Variants in JAZF1 observed in about 807,000 individuals in gnomAD.
JAZF1 encodes JAZF zinc finger 1.
In JAZF1, 8 loss-of-function variants were observed where a neutral mutation model predicts 26.4. That is an observed-to-expected ratio of 0.30 (90% confidence interval 0.18 to 0.55). The LOEUF is 0.55. Among genes scored for constraint, JAZF1 ranks in the 20% least tolerant of loss-of-function variants. The pLI, the probability that JAZF1 is intolerant of heterozygous loss-of-function variation, is 0.94. For missense variants in JAZF1, 199 were observed against 322.0 expected (o/e 0.62, Z 2.92); for synonymous variants, 126 against 122.3 (o/e 1.03, Z -0.20).
intron 1 of JAZF1, among the ~76,000 whole-genome samples, chr7:28,149,795 A>G (rs1783082452): frequency 6.6e-6 from 1 of 152,234 alleles, no homozygotes; most frequent in African/African-American, 2.4e-5. Flanking sequence ...TGATTAATTC[A>G]CTTAGCAGTC....
At chr7:28,173,321 C>A (rs1051750151) in intron 1 of JAZF1, among the ~76,000 whole-genome samples, 1 of 152,088 alleles carries the variant, frequency 6.6e-6, no homozygotes, top group Non-Finnish European at 1.5e-5. Flanking sequence ...AGGAAATACT[C>A]AAAAATGTGT....
At chr7:28,108,897 AT>A (rs2127931504) in intron 1 of JAZF1, among the ~76,000 whole-genome samples, 1 of 152,392 alleles carries the variant, frequency 6.6e-6, no homozygotes, top group South Asian at 2.1e-4. Flanking sequence ...GCCATTTGCA[AT>A]AACATGAATG....
chr7:27,854,671 T>C (rs1175729410), intron 3 of JAZF1, among the ~76,000 whole-genome samples: 1 of 152,224 alleles, frequency 6.6e-6, no homozygotes, highest in Non-Finnish European at 1.5e-5. Context: ...GAAAATTCCT[T>C]TCTTTAAGAA....
chr7:28,076,278 T>G (rs547772512), intron 1 of JAZF1, among the ~76,000 whole-genome samples: 1 of 152,298 alleles, frequency 6.6e-6, no homozygotes, highest in South Asian at 2.1e-4. Flanking sequence ...ACCACAATGG[T>G]GACATTTTTA....
intron 1 of JAZF1, among the ~76,000 whole-genome samples, chr7:28,037,910 A>G (rs968325386): frequency 2.2e-4 from 34 of 152,212 alleles, no homozygotes; most frequent in Admixed American, 2.2e-3. Context: ...CATAATTTCT[A>G]CGTCAAACTC....
chr7:28,124,320 G>A (rs1178107043), intron 1 of JAZF1, among the ~76,000 whole-genome samples: 1 of 152,110 alleles, frequency 6.6e-6, no homozygotes, highest in Non-Finnish European at 1.5e-5. Context: ...CCTTGCTCCT[G>A]GACTTATAGT....
rs372600760 is a variant in JAZF1 at position 28,136,945 on chromosome 7, G to A, written c.115+43518C>T. ...TTCACACGGGAGGCTCGCAGGAGAT[G>A]AGGCTGCAGGGCCAGAAAATAGCAA... On this transcript the variant is annotated intron_variant, in intron 1 of 4. Transcript: ENST00000283928. 7.9e-5 allele frequency among the ~76,000 whole-genome samples: 12 copies of A among 152,342 alleles called. No individual in the cohort carries two copies. In the East Asian group the frequency reaches 1.5e-3, roughly 20 times the overall value.
intron 1 of JAZF1, among the ~76,000 whole-genome samples, chr7:28,055,773 G>C (rs1583534353): frequency 6.6e-6 from 1 of 152,186 alleles, no homozygotes; most frequent in African/African-American, 2.4e-5. Flanking sequence ...TCCTGAAGGA[G>C]AGCCTGTTTC....
At chr7:27,939,063 A>C (rs1223590266) in intron 2 of JAZF1, among the ~76,000 whole-genome samples, 1 of 152,168 alleles carries the variant, frequency 6.6e-6, no homozygotes, top group African/African-American at 2.4e-5. Context: ...AAGAAATCTG[A>C]AGCTTGGGCC....
At chr7:28,092,290 CAAAAA>C (rs749913273) in intron 1 of JAZF1, among the ~76,000 whole-genome samples, 908 of 12,788 alleles carry the variant, frequency 0.071, 14 homozygotes, top group South Asian at 0.21. Context: ...GGACAAAAGG[CAAAAA>C]AAAAAAAAAA....
chr7:28,120,157 G>A (rs1349188877), intron 1 of JAZF1, among the ~76,000 whole-genome samples: 1 of 136,374 alleles, frequency 7.3e-6, no homozygotes. Flanking sequence ...AAGTACTTAT[G>A]GTTTTCATTT....
intron 1 of JAZF1, among the ~76,000 whole-genome samples, chr7:28,081,529 G>A (rs1022818943): frequency 1.3e-5 from 2 of 152,312 alleles, no homozygotes; most frequent in South Asian, 2.1e-4. Context: ...GGGTTTTGGG[G>A]ACTTGAAAAG....
At chr7:28,029,841 G>A (rs1248806943) in intron 1 of JAZF1, among the ~76,000 whole-genome samples, 1 of 152,152 alleles carries the variant, frequency 6.6e-6, no homozygotes, top group African/African-American at 2.4e-5. Flanking sequence ...ATCACTAGGT[G>A]GAAAACAAAT....
chr7:27,831,310 A>ATG lies in JAZF1; in HGVS notation c.*1488_*1489dup. On this transcript the variant is annotated 3_prime_UTR_variant, in exon 5 of 5. Coordinates refer to ENST00000283928, the MANE Select transcript of JAZF1 (RefSeq NM_175061.4). Reference sequence around the variant, plus strand: ...GACCCCTGCTTCCCAGTTATATGTGATGTAAGACTTTTCATCAAATGGGAA... The same window carrying ATG: ...GACCCCTGCTTCCCAGTTATATGTGATGTGTAAGACTTTTCATCAAATGGGAA... 1 of 227,054 alleles carries ATG rather than the reference A, an allele frequency of 4.4e-6. No homozygotes were observed. Among genetic ancestry groups the ATG allele is most frequent in the African/African-American group, 2.2e-5 (1 of 45,154 alleles). The allele number at this position is 227,054 out of a possible 1,614,324, so 14.1% of individuals were successfully genotyped here.
intron 1 of JAZF1, among the ~76,000 whole-genome samples, chr7:28,089,126 A>G (rs994581864): frequency 2.6e-5 from 4 of 152,246 alleles, no homozygotes; most frequent in African/African-American, 4.8e-5. Flanking sequence ...CAAAACAATA[A>G]TAGTACTGAA....
intron 2 of JAZF1, among the ~76,000 whole-genome samples, chr7:27,906,760 A>ATCC (rs1169337406): frequency 6.6e-6 from 1 of 152,196 alleles, no homozygotes; most frequent in Admixed American, 6.5e-5. Flanking sequence ...GCAACTCCCT[A>ATCC]TCCTCCTTTC....
chr7:28,045,572 C>A (rs550402061), intron 1 of JAZF1, among the ~76,000 whole-genome samples: 2 of 152,148 alleles, frequency 1.3e-5, no homozygotes, highest in South Asian at 2.1e-4. Flanking sequence ...AACTTCACAG[C>A]AGAATTTTGT....
intron 1 of JAZF1, among the ~76,000 whole-genome samples, chr7:28,111,282 C>T (rs1353513963): frequency 6.6e-6 from 1 of 152,218 alleles, no homozygotes; most frequent in Non-Finnish European, 1.5e-5. Context: ...GTTATAGGCA[C>T]AGAAGTAACA....
intron 1 of JAZF1, among the ~76,000 whole-genome samples, chr7:28,096,615 T>C (rs530628024): frequency 2.5e-4 from 38 of 152,344 alleles, no homozygotes; most frequent in Middle Eastern, 3.4e-3. Flanking sequence ...GAACTGCAGC[T>C]CAAATCTGTT....
Sources: allele counts gnomAD v4.1 joint callset (sites outside exome capture counted in the v4.1 genomes callset), GRCh38; gene constraint gnomAD v4.1.1; transcripts MANE v1.5; gene names NCBI Gene and HGNC (gene_info 2026-07-23, HGNC 2026-07-21).